Variants in PDE4D observed in about 807,000 individuals in gnomAD.
PDE4D encodes 3',5'-cyclic-AMP phosphodiesterase 4D.
In PDE4D, 24 loss-of-function variants were observed where a neutral mutation model predicts 87.4. The ratio of observed to expected loss-of-function variants is 0.27; its 90% CI spans 0.20 to 0.39. The LOEUF is 0.39. PDE4D is among the 10% of genes least tolerant of loss of function. The probability of loss-of-function intolerance (pLI) is 1.00; values close to 1 mark genes in which losing one functional copy is unlikely to be tolerated. For synonymous variants in PDE4D, 384 were observed against 383.2 expected (o/e 1.00, Z -0.02); for missense variants, 714 against 1,041.0 (o/e 0.69, Z 4.32).
At chr5:60,223,408 A>G (rs1744722325) in intron 1 of PDE4D, among the ~76,000 whole-genome samples, 1 of 152,124 alleles carries the variant, frequency 6.6e-6, no homozygotes. Flanking sequence ...ATGGAAGAGA[A>G]CAATACTGAA....
At chr5:60,047,504 T>G (rs201549252) in intron 2 of PDE4D, among the ~76,000 whole-genome samples, 5 of 151,476 alleles carry the variant, frequency 3.3e-5, no homozygotes, top group South Asian at 2.1e-4. Flanking sequence ...TGTGGGCATT[T>G]AGTGCTATAA....
chr5:59,283,343 A>G (rs1766219612), intron 1 of PDE4D, among the ~76,000 whole-genome samples: 1 of 152,038 alleles, frequency 6.6e-6, no homozygotes, highest in South Asian at 2.1e-4. Flanking sequence ...CTTTACACAT[A>G]GCTTGTGTAG....
At chr5:59,577,126 T>C (rs1055646015) in intron 1 of PDE4D, among the ~76,000 whole-genome samples, 1 of 152,110 alleles carries the variant, frequency 6.6e-6, no homozygotes, top group African/African-American at 2.4e-5. Context: ...GGAGGATATA[T>C]GAAAAAGGAA....
At chr5:59,532,021 T>C (rs1814328722) in intron 1 of PDE4D, among the ~76,000 whole-genome samples, 1 of 152,186 alleles carries the variant, frequency 6.6e-6, no homozygotes, top group Non-Finnish European at 1.5e-5. Flanking sequence ...GTATATAGTA[T>C]AAACTCAAAA....
chr5:60,376,818 C>T (rs928333607), intron 1 of PDE4D, among the ~76,000 whole-genome samples: 1 of 152,188 alleles, frequency 6.6e-6, no homozygotes, highest in African/African-American at 2.4e-5. Context: ...CTTTCTCTTC[C>T]GCCTCTTTGT....
chr5:60,386,626 C>A (rs1004705970), intron 1 of PDE4D, among the ~76,000 whole-genome samples: 1 of 152,168 alleles, frequency 6.6e-6, no homozygotes, highest in African/African-American at 2.4e-5. Context: ...GCAGGGGCAG[C>A]CCTGCGCATG....
rs549665879 is a variant in PDE4D at position 59,644,243 on chromosome 5, A to C, written c.455+248925T>G. ...TTGACTGCTCTCAACCAGCTTATTTAAGATAAAATAGTACCTTGGCAGCCA... is the reference window on the plus strand; with the variant it reads ...TTGACTGCTCTCAACCAGCTTATTTCAGATAAAATAGTACCTTGGCAGCCA... On this transcript the variant is annotated intron_variant, in intron 1 of 14. Transcript: ENST00000340635. Among the ~76,000 whole-genome samples the C allele has an allele frequency of 3.9e-5, 6 of 152,314 alleles. No homozygotes were observed. The East Asian group carries it at 9.6e-4, about 24-fold the overall frequency.
chr5:60,121,289 T>A (rs1425180628), intron 2 of PDE4D, among the ~76,000 whole-genome samples: 1 of 152,070 alleles, frequency 6.6e-6, no homozygotes, highest in Non-Finnish European at 1.5e-5. Flanking sequence ...GATGCATTTT[T>A]AAAAGCCCAG....
At chr5:58,992,037 TATTA>T (rs1200863968) in intron 7 of PDE4D, 33 bp from the exon 8 acceptor site, 1 of 1,286,282 alleles carries the variant, frequency 7.8e-7, no homozygotes, top group African/African-American at 1.5e-5. Flanking sequence ...CTATATTTAT[TATTA>T]ATTCTATCTG....
At chr5:59,065,358 G>C (rs1487245528) in intron 5 of PDE4D, among the ~76,000 whole-genome samples, 1 of 152,080 alleles carries the variant, frequency 6.6e-6, no homozygotes, top group East Asian at 1.9e-4. Context: ...ATGTGGTCAA[G>C]GGTTACAAAG....
intron 1 of PDE4D, among the ~76,000 whole-genome samples, chr5:59,266,270 A>AATAT (rs34379829): frequency 1.1e-4 from 17 of 149,666 alleles, no homozygotes; most frequent in South Asian, 4.2e-4. Flanking sequence ...CCTGTCTCTA[A>AATAT]ATATATATAT....
chr5:59,490,858 AG>A, intron 1 of PDE4D, among the ~76,000 whole-genome samples: 2 of 152,340 alleles, frequency 1.3e-5, no homozygotes, highest in Admixed American at 1.3e-4. Flanking sequence ...GAGAAACTCT[AG>A]GCAATGTATC....
intron 1 of PDE4D, among the ~76,000 whole-genome samples, chr5:59,621,981 T>C (rs115928622): frequency 2.1e-3 from 319 of 152,312 alleles, no homozygotes; most frequent in African/African-American, 7.5e-3. Context: ...TATTTTCATA[T>C]CTTTTATGTC....
chr5:60,509,416 C>T (rs140548934), intron 1 of PDE4D, among the ~76,000 whole-genome samples: 2 of 152,326 alleles, frequency 1.3e-5, no homozygotes, highest in East Asian at 1.9e-4. Flanking sequence ...ACTGCAGAAG[C>T]GCCGCAAGGA....
At chr5:59,017,223 T>TG (rs1453392643) in intron 6 of PDE4D, among the ~76,000 whole-genome samples, 1 of 152,168 alleles carries the variant, frequency 6.6e-6, no homozygotes, top group African/African-American at 2.4e-5. Context: ...GAGCAGGGAA[T>TG]GATAGGATGT....
intron 6 of PDE4D, among the ~76,000 whole-genome samples, chr5:59,024,498 C>T (rs555289208): frequency 2.9e-4 from 44 of 152,222 alleles, no homozygotes; most frequent in African/African-American, 1.1e-3. Context: ...CGCCCGGCTG[C>T]TGAAATTCTA....
intron 11 of PDE4D, among the ~76,000 whole-genome samples, chr5:58,980,671 G>A (rs1388256765): frequency 6.9e-6 from 1 of 144,648 alleles, no homozygotes; most frequent in Non-Finnish European, 1.5e-5. Context: ...CCTCTCTTCT[G>A]AGTGCTAATG....
intron 1 of PDE4D, among the ~76,000 whole-genome samples, chr5:59,441,954 A>C (rs938026051): frequency 7.9e-5 from 12 of 152,340 alleles, no homozygotes; most frequent in African/African-American, 2.9e-4. Context: ...GAAAAAACAC[A>C]CTTAATAGTA....
At chr5:60,471,087 A>G (rs1193210582) in intron 1 of PDE4D, among the ~76,000 whole-genome samples, 1 of 152,184 alleles carries the variant, frequency 6.6e-6, no homozygotes, top group Non-Finnish European at 1.5e-5. Flanking sequence ...TTCATGACTC[A>G]TGGGAGGAGG....
Sources: gnomAD v4.1 joint callset for allele counts (sites outside exome capture counted in the v4.1 genomes callset) on GRCh38, gnomAD v4.1.1 for gene constraint, MANE v1.5 for transcripts, NCBI Gene and HGNC (gene_info 2026-07-23, HGNC 2026-07-21) for gene names.